Variants in MARCHF8 observed in about 807,000 individuals in gnomAD.
MARCHF8 encodes the protein membrane associated ring-CH-type finger 8.
A neutral mutation model predicts 51.6 loss-of-function variants in MARCHF8; 40 were observed. The observed-to-expected ratio is 0.77, with a 90% CI of 0.60 to 1.01. The LOEUF is 1.01. Ranked by LOEUF, MARCHF8 falls within the 50% of genes least tolerant of loss-of-function variation. The pLI, the probability that MARCHF8 is intolerant of heterozygous loss-of-function variation, is 0.00. For missense variants in MARCHF8, 685 were observed against 708.6 expected, an observed-to-expected ratio of 0.97 and a Z score of 0.38; for synonymous variants, 263 against 280.3, an observed-to-expected ratio of 0.94 and a Z score of 0.62.
At chr10:45,519,006 T>C (rs530382927) in intron 2 of MARCHF8, among the ~76,000 whole-genome samples, 37 of 152,332 alleles carry the variant, frequency 2.4e-4, no homozygotes, top group African/African-American at 8.7e-4. Flanking sequence ...CACCACCTTG[T>C]AAAAGCTCTA....
intron 1 of MARCHF8, among the ~76,000 whole-genome samples, chr10:45,555,488 G>A (rs905900062): frequency 6.6e-6 from 1 of 151,908 alleles, no homozygotes; most frequent in Non-Finnish European, 1.5e-5. Flanking sequence ...TGTAATCTCA[G>A]TACTTTGTGA....
chr10:45,509,299 T>A (rs1316381109), intron 2 of MARCHF8, among the ~76,000 whole-genome samples: 1 of 152,238 alleles, frequency 6.6e-6, no homozygotes, highest in African/African-American at 2.4e-5. Flanking sequence ...ATATTGTTGA[T>A]GCTGTTTGAA....
intron 3 of MARCHF8, among the ~76,000 whole-genome samples, chr10:45,477,213 G>GGCCA (rs1277344252): frequency 1.3e-5 from 2 of 151,670 alleles, no homozygotes; most frequent in Non-Finnish European, 2.9e-5. Context: ...AAAAAAAAAA[G>GGCCA]GCCAGCCAAA....
intron 2 of MARCHF8, among the ~76,000 whole-genome samples, chr10:45,497,794 G>A (rs1289175668): frequency 6.6e-6 from 1 of 152,122 alleles, no homozygotes; most frequent in Non-Finnish European, 1.5e-5. Context: ...ATAGTGCTTA[G>A]GGGGATATTT....
chr10:45,479,132 T>C (rs1488837292), intron 3 of MARCHF8, among the ~76,000 whole-genome samples: 6 of 152,084 alleles, frequency 3.9e-5, no homozygotes, highest in Admixed American at 1.3e-4. Context: ...CAATTGCACA[T>C]CAAAAAGACA....
chr10:45,581,689 C>T (rs1301751376), intron 1 of MARCHF8, among the ~76,000 whole-genome samples: 1 of 152,130 alleles, frequency 6.6e-6, no homozygotes, highest in Non-Finnish European at 1.5e-5. Flanking sequence ...CCCACATAAT[C>T]AATGACAAAT....
Position 45,546,310 on chromosome 10 carries a change from G to A in MARCHF8, c.-78-13021C>T, listed in dbSNP as rs542027306. 1.2e-4 allele frequency among the ~76,000 whole-genome samples: 18 copies of A among 152,014 alleles called. No individual in the cohort carries two copies. In the East Asian group the frequency reaches 2.3e-3, roughly 20 times the overall value. On this transcript the variant is annotated intron_variant, in intron 1 of 6. Transcript: ENST00000319836. ...CGAGTAGCTGGGATTACAGGTGCAC[G>A]CCACCACTCCTGTCTAATTTTTTTG... is the stretch of plus-strand genomic sequence containing the variant.
At chr10:45,514,693 T>C (rs904956773) in intron 2 of MARCHF8, among the ~76,000 whole-genome samples, 1 of 152,268 alleles carries the variant, frequency 6.6e-6, no homozygotes, top group Non-Finnish European at 1.5e-5. Flanking sequence ...CTTGGTGCCA[T>C]ACAAGGAATG....
chr10:45,491,241 A>G (rs745467517), intron 2 of MARCHF8, among the ~76,000 whole-genome samples: 1 of 152,202 alleles, frequency 6.6e-6, no homozygotes, highest in Non-Finnish European at 1.5e-5. Context: ...AAGTATGCTC[A>G]AAGTGTTGGG....
intron 2 of MARCHF8, among the ~76,000 whole-genome samples, chr10:45,507,800 A>G (rs866129187): frequency 6.7e-6 from 1 of 149,744 alleles, no homozygotes; most frequent in South Asian, 2.1e-4. Context: ...GGCCAAAGTT[A>G]GCTCAGTTTT....
chr10:45,544,838 C>T (rs2044100470), intron 1 of MARCHF8, among the ~76,000 whole-genome samples: 2 of 152,096 alleles, frequency 1.3e-5, no homozygotes, highest in Admixed American at 1.3e-4. Flanking sequence ...TTTATGGTGC[C>T]TAAATTACAC....
At chr10:45,594,202 G>T (rs1055670273) in intron 1 of MARCHF8, 2 of 152,212 alleles carry the variant, frequency 1.3e-5, no homozygotes, top group African/African-American at 4.8e-5. Context: ...AAAGACCAAA[G>T]AAAAGTTAGC....
Position 45,463,257 on chromosome 10 carries a change from C to A in MARCHF8, c.982G>T (p.Ala328Ser). The A allele has an allele frequency of 3.2e-6, 5 of 1,550,906 alleles. No homozygotes were observed. In the Admixed American group the frequency reaches 7.8e-5, roughly 24 times the overall value. ...SAKLKSRVLRAPLCSTEKDSD... is the reference protein window; with the variant it reads ...SAKLKSRVLRSPLCSTEKDSD... The stretch of plus-strand genomic sequence containing the variant: ...TCCTTTTCCGTGGAGCAGAGGGGCG[C>A]CCGCAGAACCCTACTCTTCAGTTTT... Residue 328 changes from alanine (A) to serine (S), a missense_variant, in exon 5 of 8, where the codon GCG (alanine) becomes TCG (serine). By Grantham distance (99) the Ala-to-Ser change is moderately conservative (BLOSUM62 1). Transcript: ENST00000453424.
intron 1 of MARCHF8, among the ~76,000 whole-genome samples, chr10:45,592,680 A>G (rs2133452111): frequency 6.6e-6 from 1 of 152,296 alleles, no homozygotes; most frequent in East Asian, 1.9e-4. Flanking sequence ...CAAGAACCAG[A>G]CGCTACTACT....
At chr10:45,582,452 G>A (rs2044566035) in intron 1 of MARCHF8, among the ~76,000 whole-genome samples, 2 of 152,116 alleles carry the variant, frequency 1.3e-5, no homozygotes, top group Non-Finnish European at 2.9e-5. Context: ...CCCACAAGCT[G>A]TTACAGTTAG....
chr10:45,504,569 A>T (rs2043345887), intron 2 of MARCHF8, among the ~76,000 whole-genome samples: 1 of 152,240 alleles, frequency 6.6e-6, no homozygotes, highest in Non-Finnish European at 1.5e-5. Flanking sequence ...TCTAATTACA[A>T]GCCATTAGCA....
chr10:45,587,101 C>T (rs2044627137), intron 1 of MARCHF8, among the ~76,000 whole-genome samples: 1 of 151,994 alleles, frequency 6.6e-6, no homozygotes, highest in South Asian at 2.1e-4. Context: ...TTGAGGTCCT[C>T]ATCAGTGTCA....
chr10:45,550,475 T>C (rs1369509619), intron 1 of MARCHF8, among the ~76,000 whole-genome samples: 3 of 152,204 alleles, frequency 2.0e-5, no homozygotes, highest in African/African-American at 7.2e-5. Context: ...AGCATGTCAT[T>C]GTACAATGCA....
intron 3 of MARCHF8, among the ~76,000 whole-genome samples, chr10:45,481,420 G>A (rs2042885486): frequency 6.6e-6 from 1 of 152,134 alleles, no homozygotes; most frequent in African/African-American, 2.4e-5. Context: ...GAATGATATG[G>A]TTTGGCTGTG....
Sources: gnomAD v4.1 joint callset for allele counts (sites outside exome capture counted in the v4.1 genomes callset) on GRCh38, gnomAD v4.1.1 for gene constraint, MANE v1.5 for transcripts, NCBI Gene and HGNC (gene_info 2026-07-23, HGNC 2026-07-21) for gene names.